OLAH: variants seen among roughly 807,000 people sequenced by gnomAD.
The protein encoded by OLAH is S-acyl fatty acid synthase thioesterase, medium chain.
OLAH carries 33 observed loss-of-function variants against 27.8 expected under a neutral mutation model. The observed-to-expected ratio is 1.19, with a 90% CI of 0.90 to 1.59. The LOEUF is 1.59. OLAH is among the 40% of genes most tolerant of loss of function. The pLI is 0.00. For missense variants in OLAH, 359 were observed against 310.8 expected (o/e 1.16, Z -1.17); for synonymous variants, 120 against 102.9 (o/e 1.17, Z -1.01).
rs1844036230 is a variant in OLAH, at chr10:15,047,224, A to G, written c.-65A>G. On this transcript the variant is annotated 5_prime_UTR_variant, in exon 2 of 8. Transcript: ENST00000378228. ...GCAGAGGTTCTTCGTCTCAAGAGGAACTGACTTCTGTTGAGCACTCAACAC... is the reference window on the plus strand; with the variant it reads ...GCAGAGGTTCTTCGTCTCAAGAGGAGCTGACTTCTGTTGAGCACTCAACAC... 4.0e-5 allele frequency: 62 copies of G among 1,561,610 alleles called. 2 individuals are homozygous for G. In the South Asian group the frequency reaches 7.0e-4, roughly 18 times the overall value.
upstream of OLAH, among the ~76,000 whole-genome samples, chr10:15,043,480 T>C (rs978106891): frequency 8.7e-5 from 13 of 149,682 alleles, no homozygotes; most frequent in East Asian, 1.9e-4. Context: ...TCTTCTTCTT[T>C]TTTTTTTTTT....
At chr10:15,047,437 G>A (rs1844042231) in intron 2 of OLAH, 117 bp downstream of exon 2, 1 of 1,016,100 alleles carries the variant, frequency 9.8e-7, no homozygotes, top group African/African-American at 1.6e-5. Flanking sequence ...GCTCACACTT[G>A]TAATCCCAGC....
At chr10:15,053,684 C>G (rs957932093) in intron 3 of OLAH, among the ~76,000 whole-genome samples, 2 of 152,010 alleles carry the variant, frequency 1.3e-5, no homozygotes, top group African/African-American at 4.8e-5. Flanking sequence ...GTGTACTTCA[C>G]ACTTCACTTC....
intron 3 of OLAH, among the ~76,000 whole-genome samples, chr10:15,051,072 A>G (rs1844129601): frequency 1.7e-5 from 1 of 60,606 alleles, no homozygotes; most frequent in South Asian, 6.7e-4. Flanking sequence ...TATTATTATT[A>G]TTATTATTTT....
At chr10:15,045,527 C>G (rs1843999294) in intron 1 of OLAH, among the ~76,000 whole-genome samples, 1 of 152,118 alleles carries the variant, frequency 6.6e-6, no homozygotes, top group South Asian at 2.1e-4. Context: ...GATGGTGGCT[C>G]TGGCCCAGAA....
chr10:15,069,596 G>A (rs1411112505), intron 6 of OLAH, among the ~76,000 whole-genome samples: 1 of 152,216 alleles, frequency 6.6e-6, no homozygotes, highest in Non-Finnish European at 1.5e-5. Flanking sequence ...GCTGGGCACG[G>A]TGGCTCATGC....
rs1844092298 is a variant in OLAH at position 15,049,624 on chromosome 10, T to C, written c.33-11T>C. ...TACATAATGTTAAATATATTTGAAT[T>C]TTCTCCCTAGGAATGAAAACATTTT... On this transcript the variant is annotated splice_polypyrimidine_tract_variant and intron_variant, in intron 2 of 7. Transcript: ENST00000378228. The C allele has an allele frequency of 6.4e-7, 1 of 1,551,450 alleles. No homozygotes were observed. Among genetic ancestry groups the C allele is most frequent in the Non-Finnish European group, 8.7e-7 (1 of 1,145,126 alleles).
At chr10:15,036,831 A>G (rs1227423245) in intron 1 of OLAH, among the ~76,000 whole-genome samples, 1 of 152,136 alleles carries the variant, frequency 6.6e-6, no homozygotes, top group Non-Finnish European at 1.5e-5. Context: ...CTGTAATCAC[A>G]ATATTCTGGG....
chr10:15,049,864 T>G, intron 3 of OLAH, 99 bp downstream of exon 3: 1 of 1,110,806 alleles, frequency 9.0e-7, no homozygotes, highest in Admixed American at 2.9e-5. Flanking sequence ...TCCTGGTAGG[T>G]AATTGATAAT....
At chr10:15,057,760 C>T (rs916454053) in intron 3 of OLAH, among the ~76,000 whole-genome samples, 1 of 152,090 alleles carries the variant, frequency 6.6e-6, no homozygotes, top group Non-Finnish European at 1.5e-5. Context: ...ATTCTAGCAG[C>T]AGGGAAGTCT....
At chr10:15,050,262 A>T (rs1267247051) in intron 3 of OLAH, among the ~76,000 whole-genome samples, 7 of 152,176 alleles carry the variant, frequency 4.6e-5, no homozygotes, top group Admixed American at 2.0e-4. Context: ...TATAATAATA[A>T]TTATTTATTT....
rs767231552 is a variant in OLAH, at chr10:15,047,242, C to T, written c.-47C>T. On this transcript the variant is annotated 5_prime_UTR_variant, in exon 2 of 8. Coordinates refer to ENST00000378228, the MANE Select transcript of OLAH (RefSeq NM_001039702.3). ...AAGAGGAACTGACTTCTGTTGAGCA[C>T]TCAACACGCCACAGAGACCAGCCAT... 2 of 1,607,388 alleles carry T rather than the reference C, an allele frequency of 1.2e-6. No individual in the cohort carries two copies. Among genetic ancestry groups the T allele is most frequent in the Admixed American group, 3.4e-5 (2 of 59,408 alleles).
intron 5 of OLAH, 148 bp downstream of exon 5, chr10:15,064,650 G>A (rs11259456): frequency 0.12 from 66,368 of 545,588 alleles, 4,916 homozygotes; most frequent in East Asian, 0.27. Context: ...AAGCCATTGA[G>A]GTTTTTGCCA....
At chr10:15,037,820 A>G (rs898843989) in intron 1 of OLAH, among the ~76,000 whole-genome samples, 54 of 152,346 alleles carry the variant, frequency 3.5e-4, no homozygotes, top group African/African-American at 1.3e-3. Flanking sequence ...AGCCTTATCA[A>G]TGTAAGCTCT....
chr10:15,040,167 G>A (rs1357551456), upstream of OLAH, among the ~76,000 whole-genome samples: 3 of 152,116 alleles, frequency 2.0e-5, no homozygotes, highest in Non-Finnish European at 4.4e-5. Flanking sequence ...CTCTCCTGCT[G>A]TCCCTTTGTC....
chr10:15,041,207 G>C (rs1035027427), upstream of OLAH, among the ~76,000 whole-genome samples: 1 of 152,178 alleles, frequency 6.6e-6, no homozygotes, highest in South Asian at 2.1e-4. Context: ...TCACCAGCAC[G>C]ATAGGATACT....
At chr10:15,071,986 T>G (rs1844597482) in intron 7 of OLAH, 109 bp downstream of exon 7, 1 of 730,614 alleles carries the variant, frequency 1.4e-6, no homozygotes, top group African/African-American at 1.8e-5. Context: ...CAGGCTGGAG[T>G]GCAATGGCGC....
rs140900169 is a variant in OLAH at position 15,049,699 on chromosome 10, C to T, written c.97C>T (p.Pro33Ser). The change falls in exon 3 of 8, where the codon CCC becomes TCC. Residue 33 changes from proline (P) to serine (S), a missense_variant. Physicochemically the swap from Pro to Ser is moderately conservative, Grantham distance 74. Coordinates refer to ENST00000378228, the MANE Select transcript of OLAH (RefSeq NM_001039702.3). ...PEATFKLICF[P>S]WMGGGSTHFA... is the part of the protein sequence containing the mutation. ...GGCAACTTTTAAGCTGATTTGCTTTCCCTGGATGGGAGGTGGCTCCACTCA... is the reference window on the plus strand; with the variant it reads ...GGCAACTTTTAAGCTGATTTGCTTTTCCTGGATGGGAGGTGGCTCCACTCA... 3.8e-4 allele frequency: 617 copies of T among 1,610,304 alleles called. No individual in the cohort carries two copies. Among genetic ancestry groups the T allele is most frequent in the Non-Finnish European group, 5.0e-4 (584 of 1,179,054 alleles).
At chr10:15,055,245 T>C (rs1261937925) in intron 3 of OLAH, among the ~76,000 whole-genome samples, 9 of 152,246 alleles carry the variant, frequency 5.9e-5, no homozygotes, top group Non-Finnish European at 1.3e-4. Flanking sequence ...CAAAGTGTGT[T>C]AGATTTTCCT....
Sources: gnomAD v4.1 joint callset for allele counts (sites outside exome capture counted in the v4.1 genomes callset) on GRCh38, gnomAD v4.1.1 for gene constraint, MANE v1.5 for transcripts, NCBI Gene and HGNC (gene_info 2026-07-23, HGNC 2026-07-21) for gene names.